ADGRL2: variants seen among roughly 807,000 people sequenced by gnomAD.
ADGRL2 encodes calcium-independent alpha-latrotoxin receptor 2.
A neutral mutation model predicts 157.4 loss-of-function variants in ADGRL2; 44 were observed. That is an observed-to-expected ratio of 0.28 (90% CI 0.22 to 0.36). The LOEUF is 0.36. ADGRL2 is among the 10% of genes least tolerant of loss of function. The pLI is 1.00. For missense variants in ADGRL2, 1,510 were observed against 1,768.9 expected, an observed-to-expected ratio of 0.85 and a Z score of 2.63; for synonymous variants, 585 against 624.7, an observed-to-expected ratio of 0.94 and a Z score of 0.95.
chr1:81,333,718 C>T (rs866850619), intron 1 of ADGRL2, among the ~76,000 whole-genome samples: 10 of 147,738 alleles, frequency 6.8e-5, no homozygotes, highest in Admixed American at 4.1e-4. Context: ...ACCTGGCCTC[C>T]TTGACTTTCT....
chr1:81,898,294 T>C (rs2094429844), intron 2 of ADGRL2, among the ~76,000 whole-genome samples: 2 of 152,234 alleles, frequency 1.3e-5, no homozygotes, highest in Non-Finnish European at 2.9e-5. Context: ...ACCCCACTTA[T>C]ATACAAATTA....
chr1:81,806,277 T>C (rs922662838), intron 1 of ADGRL2, among the ~76,000 whole-genome samples: 1 of 152,054 alleles, frequency 6.6e-6, no homozygotes, highest in African/African-American at 2.4e-5. Context: ...TAAAAACTAA[T>C]GTAAATATAC....
chr1:81,324,634 A>T (rs1330878398), intron 1 of ADGRL2, among the ~76,000 whole-genome samples: 1 of 151,858 alleles, frequency 6.6e-6, no homozygotes, highest in Non-Finnish European at 1.5e-5. Context: ...AGAGAATTTG[A>T]TGATGGATTG....
At chr1:81,978,102 T>C (rs1433471498) in intron 17 of ADGRL2, among the ~76,000 whole-genome samples, 5 of 151,622 alleles carry the variant, frequency 3.3e-5, no homozygotes, top group African/African-American at 1.2e-4. Context: ...CTCTTAATTT[T>C]TGCCTTTAAA....
At chr1:81,407,510 G>A (rs1347319724) in intron 1 of ADGRL2, among the ~76,000 whole-genome samples, 2 of 152,196 alleles carry the variant, frequency 1.3e-5, no homozygotes, top group African/African-American at 4.8e-5. Context: ...AAATGAAATG[G>A]TTCAAGCAGA....
At chr1:81,501,180 A>C (rs1211454007) in intron 2 of ADGRL2, among the ~76,000 whole-genome samples, 1 of 152,222 alleles carries the variant, frequency 6.6e-6, no homozygotes, top group Non-Finnish European at 1.5e-5. Context: ...TTAATAGAGA[A>C]ATGCAAGTAT....
At chr1:81,951,906 C>G in intron 8 of ADGRL2, 51 bp from the exon 9 acceptor site, 1 of 1,435,732 alleles carries the variant, frequency 7.0e-7, no homozygotes, top group Non-Finnish European at 9.5e-7. Flanking sequence ...GAACTAGAAG[C>G]TGTAAACAGA....
At chr1:81,673,843 A>T (rs2082928763) in intron 3 of ADGRL2, among the ~76,000 whole-genome samples, 1 of 152,142 alleles carries the variant, frequency 6.6e-6, no homozygotes, top group African/African-American at 2.4e-5. Context: ...AAATTTTCCC[A>T]TAGCAGTCTA....
At chr1:81,654,435 T>A (rs1007060480) in intron 3 of ADGRL2, among the ~76,000 whole-genome samples, 14 of 152,204 alleles carry the variant, frequency 9.2e-5, no homozygotes, top group African/African-American at 3.1e-4. Flanking sequence ...TAATGACTGT[T>A]GCGGTGAAGG....
intron 3 of ADGRL2, among the ~76,000 whole-genome samples, chr1:81,675,835 C>T (rs565808223): frequency 6.6e-6 from 1 of 152,104 alleles, no homozygotes; most frequent in African/African-American, 2.4e-5. Context: ...CTGCCTTGGA[C>T]TCTCAAAGTG....
chr1:81,928,336 C>A (rs899505904), intron 3 of ADGRL2, among the ~76,000 whole-genome samples: 9 of 152,012 alleles, frequency 5.9e-5, no homozygotes, highest in Non-Finnish European at 1.5e-5. Flanking sequence ...TCAGGTACGG[C>A]TGATTGAGGC....
At chr1:81,653,792 A>G (rs2082473128) in intron 3 of ADGRL2, among the ~76,000 whole-genome samples, 1 of 152,164 alleles carries the variant, frequency 6.6e-6, no homozygotes, top group Non-Finnish European at 1.5e-5. Context: ...CTATATACAT[A>G]TTTGTTATGT....
intron 3 of ADGRL2, among the ~76,000 whole-genome samples, chr1:81,909,251 T>C (rs1460434943): frequency 6.6e-6 from 1 of 152,160 alleles, no homozygotes; most frequent in African/African-American, 2.4e-5. Context: ...TATTTAGTTT[T>C]AAGAGTTCTT....
chr1:81,835,485 G>A (rs776114670), intron 1 of ADGRL2, among the ~76,000 whole-genome samples: 6 of 152,212 alleles, frequency 3.9e-5, no homozygotes, highest in African/African-American at 1.2e-4. Flanking sequence ...TTCACTTTTG[G>A]TTTTGGTTAC....
At chr1:81,867,277 A>C (rs908669606) in intron 2 of ADGRL2, among the ~76,000 whole-genome samples, 1 of 152,194 alleles carries the variant, frequency 6.6e-6, no homozygotes, top group East Asian at 1.9e-4. Flanking sequence ...GCCTGTATAT[A>C]AAGTGCTTTG....
At chr1:81,720,947 T>C (rs570591546) in intron 1 of ADGRL2, among the ~76,000 whole-genome samples, 57 of 150,684 alleles carry the variant, frequency 3.8e-4, no homozygotes, top group Non-Finnish European at 6.5e-4. Context: ...TCATGGGTTC[T>C]AAGGGGCTAT....
At chr1:81,797,787 A>C (rs2087665202), upstream of ADGRL2, among the ~76,000 whole-genome samples, 1 of 152,202 alleles carries the variant, frequency 6.6e-6, no homozygotes, top group Non-Finnish European at 1.5e-5. Context: ...AAGGTTACTA[A>C]AATTAAAAAC....
intron 2 of ADGRL2, among the ~76,000 whole-genome samples, chr1:81,839,781 T>C (rs1315131422): frequency 6.8e-6 from 1 of 147,648 alleles, no homozygotes; most frequent in Non-Finnish European, 1.5e-5. Flanking sequence ...ATATATATAT[T>C]TTCCATCATA....
chr1:81,888,226 G>A (rs2094172879), intron 2 of ADGRL2, among the ~76,000 whole-genome samples: 1 of 152,098 alleles, frequency 6.6e-6, no homozygotes, highest in African/African-American at 2.4e-5. Flanking sequence ...TTGATAAAGA[G>A]TGAAATACAA....
Sources: allele counts gnomAD v4.1 joint callset (sites outside exome capture counted in the v4.1 genomes callset), GRCh38; gene constraint gnomAD v4.1.1; transcripts MANE v1.5; gene names NCBI Gene and HGNC (gene_info 2026-07-23, HGNC 2026-07-21).